Variants in TBC1D4 observed in about 807,000 individuals in gnomAD.
TBC1D4 encodes TBC (Tre-2, BUB2, CDC16) domain-containing protein.
In TBC1D4, 121 loss-of-function variants were observed where a neutral mutation model predicts 142.5. The observed-to-expected ratio is 0.85, with a 90% CI of 0.73 to 0.99. The LOEUF is 0.99. Ranked by LOEUF, TBC1D4 falls within the 50% of genes least tolerant of loss-of-function variation. The probability of loss-of-function intolerance (pLI) is 0.00; values close to 1 mark genes in which losing one functional copy is unlikely to be tolerated. For missense variants in TBC1D4, 1,475 were observed against 1,606.6 expected, an observed-to-expected ratio of 0.92 and a Z score of 1.40; for synonymous variants, 630 against 628.2, an observed-to-expected ratio of 1.00 and a Z score of -0.04.
At chr13:75,426,403 A>G (rs1886371491) in intron 1 of TBC1D4, among the ~76,000 whole-genome samples, 1 of 152,270 alleles carries the variant, frequency 6.6e-6, no homozygotes, top group Non-Finnish European at 1.5e-5. Flanking sequence ...GGCTTCACAG[A>G]AAACATGTAT....
chr13:75,426,916 G>C (rs1886396363), intron 1 of TBC1D4, among the ~76,000 whole-genome samples: 1 of 151,680 alleles, frequency 6.6e-6, no homozygotes, highest in Non-Finnish European at 1.5e-5. Flanking sequence ...GGGCATGGTG[G>C]TGCATGCCTG....
At chr13:75,315,351 AAT>A (rs144293371) in intron 12 of TBC1D4, among the ~76,000 whole-genome samples, 18,154 of 142,104 alleles carry the variant, frequency 0.13, 1,831 homozygotes, top group African/African-American at 0.26. Context: ...CTGAATATTG[AAT>A]ATATATATAT....
At chr13:75,370,255 G>A (rs1441716202) in intron 1 of TBC1D4, among the ~76,000 whole-genome samples, 2 of 152,224 alleles carry the variant, frequency 1.3e-5, no homozygotes, top group Non-Finnish European at 2.9e-5. Context: ...GGCAGTTGTG[G>A]GAGACGTGGG....
At chr13:75,454,553 T>C (rs1198495065) in intron 1 of TBC1D4, among the ~76,000 whole-genome samples, 1 of 152,256 alleles carries the variant, frequency 6.6e-6, no homozygotes, top group Non-Finnish European at 1.5e-5. Context: ...AAGTAAAAGA[T>C]GTTATCAGAT....
chr13:75,360,061 A>C (rs2138161801), intron 2 of TBC1D4, among the ~76,000 whole-genome samples: 1 of 151,442 alleles, frequency 6.6e-6, no homozygotes, highest in South Asian at 2.1e-4. Flanking sequence ...CTCTGTCAAA[A>C]AACGTATGAA....
At chr13:75,407,381 A>G (rs1885397339) in intron 1 of TBC1D4, among the ~76,000 whole-genome samples, 1 of 152,238 alleles carries the variant, frequency 6.6e-6, no homozygotes, top group Non-Finnish European at 1.5e-5. Context: ...ACAGCCGGAA[A>G]GATTACACTT....
intron 14 of TBC1D4, 28 bp downstream of exon 14, chr13:75,309,914 T>G (rs775062101): frequency 6.2e-7 from 1 of 1,610,582 alleles, no homozygotes; most frequent in East Asian, 2.2e-5. Context: ...CATAGCATCA[T>G]AGCATTTAGT....
chr13:75,455,078 G>C (rs900899607), intron 1 of TBC1D4, among the ~76,000 whole-genome samples: 1 of 152,140 alleles, frequency 6.6e-6, no homozygotes, highest in Non-Finnish European at 1.5e-5. Flanking sequence ...TGATCAGAAA[G>C]ATCAAAATAT....
At chr13:75,319,850 T>C (rs1429551949) in intron 12 of TBC1D4, among the ~76,000 whole-genome samples, 164 bp downstream of exon 12, 1 of 152,190 alleles carries the variant, frequency 6.6e-6, no homozygotes, top group African/African-American at 2.4e-5. Context: ...TGGTCTTTGA[T>C]TACACCAAGG....
In TBC1D4 at chr13:75,470,985, C is replaced by CA. The variant is rs531398241; in HGVS notation, c.498+10284dup. On this transcript the variant is annotated intron_variant, in intron 1 of 20. Coordinates refer to ENST00000377636, the MANE Select transcript of TBC1D4 (RefSeq NM_014832.5). ...CAGGTGACAAAGTGAGCCCCTGTATCAAAAAAAAAAAAAAACTATATGGTG... is the reference window on the plus strand; with the variant it reads ...CAGGTGACAAAGTGAGCCCCTGTATCAAAAAAAAAAAAAAAACTATATGGTG... 9.7e-3 allele frequency among the ~76,000 whole-genome samples: 1,149 copies of CA among 118,444 alleles called. 7 individuals are homozygous for CA. Among genetic ancestry groups the CA allele is most frequent in the Non-Finnish European group, 0.013 (719 of 53,352 alleles). 77.7% of individuals were successfully genotyped at this position (118,444 alleles called of 152,430 possible).
chr13:75,410,119 G>A (rs1433183007), intron 1 of TBC1D4, among the ~76,000 whole-genome samples: 4 of 152,268 alleles, frequency 2.6e-5, no homozygotes, highest in Admixed American at 1.3e-4. Flanking sequence ...GCTAATGTAC[G>A]TAAATAACGG....
At chr13:75,442,276 C>G (rs1006918683) in intron 1 of TBC1D4, among the ~76,000 whole-genome samples, 2 of 152,094 alleles carry the variant, frequency 1.3e-5, no homozygotes, top group African/African-American at 2.4e-5. Flanking sequence ...AAACTTACCA[C>G]AGAATCATTT....
At chr13:75,350,383 T>C (rs1881500097) in intron 4 of TBC1D4, among the ~76,000 whole-genome samples, 1 of 152,212 alleles carries the variant, frequency 6.6e-6, no homozygotes, top group Non-Finnish European at 1.5e-5. Flanking sequence ...TCTTCTACTA[T>C]TTCTGAAAGA....
chr13:75,412,510 T>C (rs1024748438), intron 1 of TBC1D4, among the ~76,000 whole-genome samples: 10 of 152,154 alleles, frequency 6.6e-5, no homozygotes, highest in African/African-American at 2.4e-4. Context: ...CTCACTATGT[T>C]GCAAGGCTGG....
chr13:75,390,041 C>G (rs1004494574), intron 1 of TBC1D4, among the ~76,000 whole-genome samples: 5 of 151,816 alleles, frequency 3.3e-5, no homozygotes, highest in Non-Finnish European at 7.4e-5. Flanking sequence ...TTTGGGAGGG[C>G]GAGGCAGGCA....
At position 75,285,992 on chromosome 13, in the gene TBC1D4, T is replaced by G. The variant is rs1874631352; in HGVS notation, c.*800A>C. 6.6e-6 allele frequency: 1 copy of G among 152,650 alleles called. No individual in the cohort carries two copies. The highest frequency in any genetic ancestry group is 6.5e-5 in the Admixed American group (1 of 15,282). 9.5% of individuals were successfully genotyped at this position (152,650 alleles called of 1,614,324 possible). A position where few individuals can be genotyped will look rare whatever the true frequency, so the allele number is the denominator to read the frequency against. ...GACATTTTAGGTCCTAAATTAAATT[T>G]TTCAGGTGTGATATTTTTAGTTTGA... is the stretch of plus-strand genomic sequence containing the variant. On this transcript the variant is annotated 3_prime_UTR_variant, in exon 21 of 21. Transcript: ENST00000377636.
intron 1 of TBC1D4, among the ~76,000 whole-genome samples, chr13:75,444,364 C>T (rs753995008): frequency 2.0e-5 from 3 of 152,056 alleles, no homozygotes; most frequent in Middle Eastern, 3.2e-3. Flanking sequence ...CAGCTTTGAG[C>T]GATCGCCCCT....
intron 1 of TBC1D4, among the ~76,000 whole-genome samples, chr13:75,452,732 A>C (rs1887580783): frequency 6.6e-6 from 1 of 152,226 alleles, no homozygotes; most frequent in Non-Finnish European, 1.5e-5. Flanking sequence ...AAAGGCTTCA[A>C]TCCCTGATAT....
chr13:75,352,634 A>G (rs1250596376), intron 4 of TBC1D4, among the ~76,000 whole-genome samples: 1 of 152,202 alleles, frequency 6.6e-6, no homozygotes, highest in Non-Finnish European at 1.5e-5. Flanking sequence ...AGGGAGAAGG[A>G]AAGAAGGGAG....
Sources: gnomAD v4.1 joint callset for allele counts (sites outside exome capture counted in the v4.1 genomes callset) on GRCh38, gnomAD v4.1.1 for gene constraint, MANE v1.5 for transcripts, NCBI Gene and HGNC (gene_info 2026-07-23, HGNC 2026-07-21) for gene names.